The following RPRD2 variants were observed in gnomAD, a reference collection of about 807,000 sequenced individuals.
The protein encoded by RPRD2 is regulation of nuclear pre-mRNA domain containing 2, also known as regulation of nuclear pre-mRNA domain-containing protein 2.
In RPRD2, 12 loss-of-function variants were observed where a neutral mutation model predicts 104.4. The observed-to-expected ratio is 0.11, with a 90% CI of 0.07 to 0.19. The LOEUF (loss-of-function observed/expected upper bound fraction) is 0.19, where lower values mean the gene tolerates loss of function less well. Ranked by LOEUF, RPRD2 falls within the 10% of genes least tolerant of loss-of-function variation. The pLI is 1.00. For missense variants in RPRD2, 1,543 were observed against 1,790.1 expected (o/e 0.86, Z 2.49); for synonymous variants, 714 against 684.9 (o/e 1.04, Z -0.66).
chr1:150,365,023 G>T (rs1659728020), intron 1 of RPRD2, 104 bp downstream of exon 1: 5 of 1,206,720 alleles, frequency 4.1e-6, no homozygotes, highest in Non-Finnish European at 5.8e-6. Flanking sequence ...TTTGGTTGGG[G>T]TTGTTCACAT....
intron 2 of RPRD2, among the ~76,000 whole-genome samples, chr1:150,418,213 T>C (rs1263775580): frequency 6.6e-6 from 1 of 152,042 alleles, no homozygotes; most frequent in African/African-American, 2.4e-5. Context: ...ATGATCCACC[T>C]GCTTCAGCCT....
At chr1:150,370,166 T>C (rs1313570) in intron 1 of RPRD2, among the ~76,000 whole-genome samples, 83,835 of 151,936 alleles carry the variant, frequency 0.55, 23,896 homozygotes, top group Non-Finnish European at 0.62. Context: ...CCTGCCTTGG[T>C]CTCCCAAAGT....
intron 1 of RPRD2, 141 bp from the exon 2 acceptor site, chr1:150,417,455 T>G (rs1034264112): frequency 1.6e-5 from 10 of 610,852 alleles, no homozygotes; most frequent in Non-Finnish European, 2.4e-5. Context: ...CTTCCATCCA[T>G]GTAATTACAT....
chr1:150,459,975 G>A (rs1553898430), intron 8 of RPRD2, 85 bp from the exon 9 acceptor site: 52 of 1,303,246 alleles, frequency 4.0e-5, no homozygotes, highest in South Asian at 8.5e-5. Flanking sequence ...CCCCAAGTCC[G>A]GAAATATTAG....
At chr1:150,376,791 C>T (rs1173618651) in intron 1 of RPRD2, among the ~76,000 whole-genome samples, 1 of 151,388 alleles carries the variant, frequency 6.6e-6, no homozygotes, top group African/African-American at 2.4e-5. Flanking sequence ...TGAGCCACCG[C>T]GCCCGGCCGA....
chr1:150,455,775 C>G (rs1351559096), intron 7 of RPRD2, among the ~76,000 whole-genome samples: 1 of 152,026 alleles, frequency 6.6e-6, no homozygotes, highest in African/African-American at 2.4e-5. Flanking sequence ...TGGGAACTAT[C>G]TTTGCAATGA....
chr1:150,410,565 C>T (rs1441081518), intron 1 of RPRD2, among the ~76,000 whole-genome samples: 1 of 152,156 alleles, frequency 6.6e-6, no homozygotes, highest in Non-Finnish European at 1.5e-5. Context: ...GTGTACTTTC[C>T]ACTCAGATTC....
chr1:150,450,307 G>A (rs78144566), intron 7 of RPRD2, among the ~76,000 whole-genome samples: 2,107 of 152,120 alleles, frequency 0.014, 54 homozygotes, highest in African/African-American at 0.048. Context: ...TCAGGTGTAT[G>A]TATGTATTTA....
intron 1 of RPRD2, among the ~76,000 whole-genome samples, chr1:150,385,042 A>G (rs1249390977): frequency 6.6e-6 from 1 of 152,104 alleles, no homozygotes; most frequent in Non-Finnish European, 1.5e-5. Flanking sequence ...AAAGGTAATT[A>G]CATGTACACA....
At chr1:150,378,103 C>T (rs1239358947) in intron 1 of RPRD2, among the ~76,000 whole-genome samples, 3 of 152,036 alleles carry the variant, frequency 2.0e-5, no homozygotes, top group Non-Finnish European at 2.9e-5. Context: ...GTTGTTATTA[C>T]TTAATAATCT....
rs1160491386 is a variant in RPRD2, at chr1:150,431,473, A to ATT, written c.336-9427_336-9426dup. On this transcript the variant is annotated intron_variant, in intron 2 of 10. Coordinates refer to ENST00000369068, the MANE Select transcript of RPRD2 (RefSeq NM_015203.5). ...TATTATTCAGTCTTAAAAAGGAAGG[A>ATT]TTTTTTTTTTTTTTTTTTTTTTTTG... Among the ~76,000 whole-genome samples, 218 of 78,818 alleles carry ATT rather than the reference A, an allele frequency of 2.8e-3. 9 individuals are homozygous for ATT. Among genetic ancestry groups the ATT allele is most frequent in the African/African-American group, 5.1e-3 (113 of 22,316 alleles). The allele number at this position is 78,818 out of a possible 152,430, so 51.7% of individuals were successfully genotyped here.
At chr1:150,422,843 T>C (rs1181800951) in intron 2 of RPRD2, among the ~76,000 whole-genome samples, 1 of 152,196 alleles carries the variant, frequency 6.6e-6, no homozygotes, top group Non-Finnish European at 1.5e-5. Context: ...TAAAAATTGG[T>C]ATGGGGTGGA....
At chr1:150,457,679 A>G in intron 8 of RPRD2, 109 bp downstream of exon 8, 1 of 925,176 alleles carries the variant, frequency 1.1e-6, no homozygotes, top group South Asian at 1.5e-5. Flanking sequence ...CTTAAAAGAT[A>G]GAACACCAAG....
At chr1:150,387,276 C>T (rs1201253705) in intron 1 of RPRD2, among the ~76,000 whole-genome samples, 4 of 152,080 alleles carry the variant, frequency 2.6e-5, no homozygotes, top group African/African-American at 9.7e-5. Context: ...TGGATAAGCA[C>T]TTCAGACCAC....
At chr1:150,374,952 G>A (rs781921627) in intron 1 of RPRD2, among the ~76,000 whole-genome samples, 1 of 150,648 alleles carries the variant, frequency 6.6e-6, no homozygotes, top group Non-Finnish European at 1.5e-5. Context: ...TTGAGCAGGA[G>A]CTCTGTTATA....
chr1:150,476,420 C>T lies in RPRD2; in HGVS notation c.*3086C>T, dbSNP rs587667573. 1.3e-5 allele frequency: 2 copies of T among 152,280 alleles called. No individual in the cohort carries two copies. The highest frequency in any genetic ancestry group is 4.8e-5 in the African/African-American group (2 of 41,546). The allele number at this position is 152,280 out of a possible 1,614,324, so 9.4% of individuals were successfully genotyped here. ...ATTTTTTTTAAGTGGGCGGGGGCGC[C>T]TGTTAAGATCTAAAATAGATATGTT... is the stretch of plus-strand genomic sequence containing the variant. On this transcript the variant is annotated 3_prime_UTR_variant, in exon 11 of 11. Coordinates refer to ENST00000369068, the MANE Select transcript of RPRD2 (RefSeq NM_015203.5).
At chr1:150,385,731 C>T (rs1374720632) in intron 1 of RPRD2, among the ~76,000 whole-genome samples, 1 of 152,124 alleles carries the variant, frequency 6.6e-6, no homozygotes, top group Non-Finnish European at 1.5e-5. Flanking sequence ...GTTTAACTCC[C>T]CTGAGTAGTG....
chr1:150,388,678 G>A (rs12756583), intron 1 of RPRD2, among the ~76,000 whole-genome samples: 17,920 of 147,430 alleles, frequency 0.12, 1,517 homozygotes, highest in African/African-American at 0.23. Flanking sequence ...GCAGTGGCGC[G>A]ATCTTGCAAC....
At chr1:150,433,690 C>T (rs1016865902) in intron 2 of RPRD2, among the ~76,000 whole-genome samples, 8 of 128,410 alleles carry the variant, frequency 6.2e-5, no homozygotes, top group African/African-American at 6.0e-5. Context: ...GTGATCCGCC[C>T]GCCTCGGCCT....
Sources: allele counts gnomAD v4.1 joint callset (sites outside exome capture counted in the v4.1 genomes callset), GRCh38; gene constraint gnomAD v4.1.1; transcripts MANE v1.5; gene names NCBI Gene and HGNC (gene_info 2026-07-23, HGNC 2026-07-21).